HTT: variants seen among roughly 807,000 people sequenced by gnomAD.
HTT encodes huntingtin.
A neutral mutation model predicts 362.3 loss-of-function variants in HTT; 104 were observed. The ratio of observed to expected loss-of-function variants is 0.29; its 90% CI spans 0.24 to 0.34. HTT has a LOEUF of 0.34. Ranked by LOEUF, HTT falls within the 10% of genes least tolerant of loss-of-function variation. The probability of loss-of-function intolerance (pLI) is 1.00; values close to 1 mark genes in which losing one functional copy is unlikely to be tolerated. For missense variants in HTT, 3,301 were observed against 3,928.6 expected (o/e 0.84, Z 4.27); for synonymous variants, 1,577 against 1,548.7 (o/e 1.02, Z -0.43).
At position 3,237,068 on chromosome 4, in the gene HTT, A is replaced by AT. The variant is rs113293434; in HGVS notation, c.8891+825dup. Among the ~76,000 whole-genome samples the AT allele has an allele frequency of 2.7e-4, 40 of 147,036 alleles. 1 individual carries two copies. The highest frequency in any genetic ancestry group is 1.3e-3 in the Admixed American group (19 of 14,756). On this transcript the variant is annotated intron_variant, in intron 64 of 66. Coordinates refer to ENST00000355072, the MANE Select transcript of HTT (RefSeq NM_001388492.1). Reference sequence around the variant, plus strand: ...CCTGTGCTGGTCTGTTTTCATGTTGATTTTTTTTTTTCTTTTCTTTTTGAG... The same window carrying AT: ...CCTGTGCTGGTCTGTTTTCATGTTGATTTTTTTTTTTTCTTTTCTTTTTGAG...
chr4:3,121,660 T>C, intron 9 of HTT: 1 of 305,010 alleles, frequency 3.3e-6, no homozygotes, highest in Non-Finnish European at 5.9e-6. Flanking sequence ...CCCAGGAGTT[T>C]GAGACAACCT....
At chr4:3,104,250 C>T (rs1169687638) in intron 4 of HTT, among the ~76,000 whole-genome samples, 2 of 151,928 alleles carry the variant, frequency 1.3e-5, no homozygotes, top group Admixed American at 6.6e-5. Context: ...CCGCCCGCCT[C>T]GGCCTCCCAA....
At chr4:3,135,569 A>G (rs363065) in intron 19 of HTT, among the ~76,000 whole-genome samples, 10,910 of 152,176 alleles carry the variant, frequency 0.072, 556 homozygotes, top group African/African-American at 0.15. Context: ...CTGAGCGTGC[A>G]TGAGTGGGCA....
chr4:3,144,141 C>T (rs1324322685), intron 23 of HTT, among the ~76,000 whole-genome samples: 1 of 152,070 alleles, frequency 6.6e-6, no homozygotes, highest in Non-Finnish European at 1.5e-5. Flanking sequence ...TACATATATA[C>T]ATTTCTCACA....
chr4:3,116,361 G>A, intron 8 of HTT, 98 bp downstream of exon 8: 1 of 1,054,140 alleles, frequency 9.5e-7, no homozygotes, highest in Admixed American at 2.2e-5. Context: ...GAGAGTTAGA[G>A]GTGTGGACTC....
In HTT at chr4:3,233,176, C is replaced by T. The variant is rs780508928; in HGVS notation, c.8279C>T (p.Ala2760Val). 5.7e-6 allele frequency: 9 copies of T among 1,587,440 alleles called. No individual in the cohort carries two copies. Among genetic ancestry groups the T allele is most frequent in the East Asian group, 4.5e-5 (2 of 44,110 alleles). The change falls in exon 61 of 67, where the codon GCG becomes GTG. Residue 2760 changes from alanine to valine, a missense_variant. Around this residue, in one of 4 missense-constraint regions of HTT, gnomAD observed 753 missense variants for 1,021.3 expected, o/e 0.74. Coordinates refer to ENST00000355072, the MANE Select transcript of HTT (RefSeq NM_001388492.1). ...AAVLGMDKAV[A>V]EPVSRLLEST... ...GTGTGTGCCTAGGACAAGGCCGTGG[C>T]GGAGCCTGTCAGCCGCCTGCTGGAG...
intron 40 of HTT, among the ~76,000 whole-genome samples, chr4:3,198,052 A>C (rs1719347408): frequency 6.6e-6 from 1 of 152,092 alleles, no homozygotes; most frequent in South Asian, 2.1e-4. Flanking sequence ...GAGACAAGGC[A>C]TTAGAACTCC....
intron 36 of HTT, among the ~76,000 whole-genome samples, chr4:3,181,697 A>G (rs1405201353): frequency 6.6e-6 from 1 of 152,208 alleles, no homozygotes; most frequent in East Asian, 1.9e-4. Context: ...ATGCCTAATT[A>G]AATCACATAA....
chr4:3,162,914 T>C (rs562307038), intron 29 of HTT, among the ~76,000 whole-genome samples: 1 of 152,346 alleles, frequency 6.6e-6, no homozygotes, highest in South Asian at 2.1e-4. Flanking sequence ...GAATACCCTT[T>C]ATTGCTTTCT....
intron 59 of HTT, 97 bp from the exon 60 acceptor site, chr4:3,229,790 T>A: frequency 3.9e-6 from 5 of 1,296,500 alleles, no homozygotes; most frequent in Non-Finnish European, 5.5e-6. Flanking sequence ...CTCTTGGGTG[T>A]AAGAACACGA....
intron 26 of HTT, 99 bp from the exon 27 acceptor site, chr4:3,154,194 T>G: frequency 3.9e-6 from 4 of 1,017,540 alleles, no homozygotes; most frequent in Non-Finnish European, 5.7e-6. Context: ...TAGCTCTTTT[T>G]AATAAATGGT....
intron 9 of HTT, 148 bp from the exon 10 acceptor site, chr4:3,122,741 T>G: frequency 1.8e-6 from 1 of 563,326 alleles, no homozygotes; most frequent in Non-Finnish European, 3.2e-6. Flanking sequence ...GAAATTAAAA[T>G]GTTGAACTGC....
intron 3 of HTT, among the ~76,000 whole-genome samples, chr4:3,101,804 T>G (rs2110157988): frequency 6.6e-6 from 1 of 152,270 alleles, no homozygotes; most frequent in Middle Eastern, 3.4e-3. Flanking sequence ...TTCTGTGAGG[T>G]GCTGGCAAAT....
intron 2 of HTT, among the ~76,000 whole-genome samples, chr4:3,091,804 C>A (rs891332215): frequency 1.3e-5 from 2 of 152,098 alleles, no homozygotes; most frequent in Non-Finnish European, 2.9e-5. Flanking sequence ...TAAGAATATT[C>A]AGATTTTTGT....
chr4:3,093,421 G>A (rs1003840641), intron 2 of HTT, among the ~76,000 whole-genome samples: 21 of 152,172 alleles, frequency 1.4e-4, no homozygotes, highest in Admixed American at 2.6e-4. Context: ...TTTGTAACAC[G>A]TAGAAGTGAA....
chr4:3,165,619 C>G (rs578019632), intron 29 of HTT, among the ~76,000 whole-genome samples: 1 of 152,160 alleles, frequency 6.6e-6, no homozygotes, highest in Admixed American at 6.5e-5. Flanking sequence ...TCTTTTCACT[C>G]TTTTTTCTCT....
In HTT at chr4:3,148,042, T is replaced by C; in HGVS notation, c.3333T>C (p.Ser1111=). The C allele has an allele frequency of 6.2e-7, 1 of 1,614,058 alleles. No individual in the cohort carries two copies. Among genetic ancestry groups the C allele is most frequent in the Non-Finnish European group, 8.5e-7 (1 of 1,179,982 alleles). The change falls in exon 26 of 67, where the codon TCT becomes TCC. Residue 1111 remains serine, a synonymous_variant. Coordinates refer to ENST00000355072, the MANE Select transcript of HTT (RefSeq NM_001388492.1). ...APKSLRSSWA[S]EEEANPAATK... ...AATCTCTGAGAAGTTCATGGGCCTC[T>C]GAAGAAGAAGCCAACCCAGCAGCCA...
At chr4:3,235,434 G>A (rs750597815) in intron 62 of HTT, 36 bp downstream of exon 62, 3 of 1,512,424 alleles carry the variant, frequency 2.0e-6, no homozygotes, top group East Asian at 2.3e-5. Context: ...CTGCACACGG[G>A]GAGTGGGCTT....
intron 56 of HTT, among the ~76,000 whole-genome samples, chr4:3,224,767 A>C (rs1412017554): frequency 1.3e-5 from 2 of 152,276 alleles, no homozygotes; most frequent in Non-Finnish European, 2.9e-5. Context: ...CTTTAATTGC[A>C]GAAAGTTCTA....
Sources: allele counts gnomAD v4.1 joint callset (sites outside exome capture counted in the v4.1 genomes callset), GRCh38; gene constraint gnomAD v4.1.1; regional missense constraint gnomAD v4.1.1; transcripts MANE v1.5; gene names NCBI Gene and HGNC (gene_info 2026-07-23, HGNC 2026-07-21).